The following ZNF589 variants were observed in gnomAD, a reference collection of about 807,000 sequenced individuals.
The protein encoded by ZNF589 is zinc finger protein 589, also known as KRAB-zinc finger protein SZF1-1.
A neutral mutation model predicts 13.6 loss-of-function variants in ZNF589; 17 were observed. The observed-to-expected ratio is 1.25, with a 90% CI of 0.86 to 1.88. The LOEUF is 1.88. ZNF589 is among the 40% of genes most tolerant of loss of function. ZNF589 has a pLI of 0.00. For missense variants in ZNF589, 407 were observed against 434.0 expected, an observed-to-expected ratio of 0.94 and a Z score of 0.55; for synonymous variants, 148 against 161.6, an observed-to-expected ratio of 0.92 and a Z score of 0.64.
chr3:48,269,702 AG>A lies in ZNF589; in HGVS notation c.*918del. On this transcript the variant is annotated 3_prime_UTR_variant, in exon 4 of 4. Coordinates refer to ENST00000354698, the MANE Select transcript of ZNF589 (RefSeq NM_016089.3). ...CTCGGGGAAAAGCTTTAGAGGTGCA[AG>A]GAGTGAGGATGTGATTTTAGCAACA... is the stretch of plus-strand genomic sequence containing the variant. 1 of 339,678 alleles carries A rather than the reference AG, an allele frequency of 2.9e-6. No homozygotes were observed. Among genetic ancestry groups the A allele is most frequent in the South Asian group, 2.4e-5 (1 of 41,056 alleles). The allele number at this position is 339,678 out of a possible 1,614,324, so 21.0% of individuals were successfully genotyped here.
intron 3 of ZNF589, among the ~76,000 whole-genome samples, chr3:48,265,906 A>G (rs1464622558): frequency 6.6e-6 from 1 of 152,082 alleles, no homozygotes; most frequent in Non-Finnish European, 1.5e-5. Context: ...ATCACTCACT[A>G]TGGGCCCAGC....
In ZNF589 at chr3:48,270,143, A is replaced by T. The variant is rs1342599249; in HGVS notation, c.*1357A>T. 1 of 456,516 alleles carries T rather than the reference A, an allele frequency of 2.2e-6. No homozygotes were observed. The highest frequency in any genetic ancestry group is 4.4e-6 in the Non-Finnish European group (1 of 226,956). 28.3% of individuals were successfully genotyped at this position (456,516 alleles called of 1,614,324 possible). ...ACTCTCCTGCTTTATTTTTTTCTACATCTCTAGCCTTTGCTGTTTCCTCTC... is the reference window on the plus strand; with the variant it reads ...ACTCTCCTGCTTTATTTTTTTCTACTTCTCTAGCCTTTGCTGTTTCCTCTC... On this transcript the variant is annotated 3_prime_UTR_variant, in exon 4 of 4. Coordinates refer to ENST00000354698, the MANE Select transcript of ZNF589 (RefSeq NM_016089.3).
chr3:48,247,577 T>C, intron 1 of ZNF589, 48 bp from the exon 2 acceptor site: 1 of 1,607,972 alleles, frequency 6.2e-7, no homozygotes, highest in South Asian at 1.1e-5. Flanking sequence ...ATCCTCATGA[T>C]GGGCCTGGTA....
intron 3 of ZNF589, among the ~76,000 whole-genome samples, chr3:48,267,213 T>A (rs1167923222): frequency 6.6e-6 from 1 of 152,190 alleles, no homozygotes; most frequent in African/African-American, 2.4e-5. Context: ...TCTTCCCTGT[T>A]TTCCACAAGT....
chr3:48,246,818 G>A (rs966396511), intron 1 of ZNF589, among the ~76,000 whole-genome samples: 3 of 150,060 alleles, frequency 2.0e-5, no homozygotes, highest in African/African-American at 7.4e-5. Flanking sequence ...ACAGGTGCCC[G>A]CCACCACACC....
chr3:48,249,279 T>C (rs1177414654), intron 2 of ZNF589, among the ~76,000 whole-genome samples: 1 of 152,070 alleles, frequency 6.6e-6, no homozygotes. Context: ...ATTTTTGTAT[T>C]TTTAGTAGAA....
chr3:48,269,532 G>A lies in ZNF589; in HGVS notation c.*746G>A. On this transcript the variant is annotated 3_prime_UTR_variant, in exon 4 of 4. Transcript: ENST00000354698. ...CACACAGGAGAGAAACCTTACGCAT[G>A]CATCGAGTGTGGGCGAAACTTTAGC... is the stretch of plus-strand genomic sequence containing the variant. 5.5e-6 allele frequency: 2 copies of A among 363,506 alleles called. No individual in the cohort carries two copies. The highest frequency in any genetic ancestry group is 3.9e-5 in the Admixed American group (1 of 25,908). The allele number at this position is 363,506 out of a possible 1,614,324, so 22.5% of individuals were successfully genotyped here. A position where few individuals can be genotyped will look rare whatever the true frequency, so the allele number is the denominator to read the frequency against.
rs567168919 is a variant in ZNF589, at chr3:48,256,111, C to A, written c.97-4702C>A. On this transcript the variant is annotated intron_variant, in intron 2 of 3. Coordinates refer to ENST00000354698, the MANE Select transcript of ZNF589 (RefSeq NM_016089.3). ...TCCCCAGCACTGAGTATGGCCCAAG[C>A]CCCACAGCAATTGCCAAGGGACCCA... Among the ~76,000 whole-genome samples the A allele has an allele frequency of 3.0e-4, 46 of 152,190 alleles. 1 individual carries two copies. The highest frequency in any genetic ancestry group is 1.0e-3 in the South Asian group (5 of 4,824).
chr3:48,261,570 A>T (rs769613096), intron 3 of ZNF589, among the ~76,000 whole-genome samples: 2 of 152,254 alleles, frequency 1.3e-5, no homozygotes, highest in Admixed American at 6.5e-5. Flanking sequence ...ATCATACATC[A>T]TGTTTTTATT....
chr3:48,270,110 T>C lies in ZNF589; in HGVS notation c.*1324T>C, dbSNP rs1442650650. 1 of 456,978 alleles carries C rather than the reference T, an allele frequency of 2.2e-6. No homozygotes were observed. The highest frequency in any genetic ancestry group is 4.4e-6 in the Non-Finnish European group (1 of 227,060). 28.3% of individuals were successfully genotyped at this position (456,978 alleles called of 1,614,324 possible). A position where few individuals can be genotyped will look rare whatever the true frequency, so the allele number is the denominator to read the frequency against. ...CTGCAACTGTGTTCTTCCATTAGCT[T>C]CCATGACACTCTCCTGCTTTATTTT... is the stretch of plus-strand genomic sequence containing the variant. On this transcript the variant is annotated 3_prime_UTR_variant, in exon 4 of 4. Transcript: ENST00000354698.
At position 48,256,614 on chromosome 3, in the gene ZNF589, G is replaced by A. The variant is rs1355555271; in HGVS notation, c.97-4199G>A. On this transcript the variant is annotated intron_variant, in intron 2 of 3. Coordinates refer to ENST00000354698, the MANE Select transcript of ZNF589 (RefSeq NM_016089.3). ...CCCTCAATCTTGCAGTTCTCTTCCC[G>A]TCATAGGCCTGTGATCTTTCGGGGC... is the stretch of plus-strand genomic sequence containing the variant. 3.2e-5 allele frequency: 27 copies of A among 838,596 alleles called. No individual in the cohort carries two copies. In the East Asian group the frequency reaches 4.4e-4, roughly 14 times the overall value. The allele number at this position is 838,596 out of a possible 1,614,324, so 51.9% of individuals were successfully genotyped here. A position where few individuals can be genotyped will look rare whatever the true frequency, so the allele number is the denominator to read the frequency against.
At chr3:48,255,603 C>T (rs1227006653) in intron 2 of ZNF589, among the ~76,000 whole-genome samples, 1 of 149,116 alleles carries the variant, frequency 6.7e-6, no homozygotes, top group Non-Finnish European at 1.5e-5. Flanking sequence ...AAGTGATTCT[C>T]CTGCCTCAGC....
intron 1 of ZNF589, among the ~76,000 whole-genome samples, chr3:48,242,890 C>T (rs1322779512): frequency 6.6e-6 from 1 of 150,636 alleles, no homozygotes; most frequent in East Asian, 2.0e-4. Flanking sequence ...CATGGCAACA[C>T]CCCATCTCTA....
At chr3:48,263,232 C>T (rs185244818) in intron 3 of ZNF589, among the ~76,000 whole-genome samples, 271 of 152,108 alleles carry the variant, frequency 1.8e-3, no homozygotes, top group African/African-American at 6.0e-3. Context: ...GCCTCAGCCT[C>T]CTGAGTAGCT....
chr3:48,241,280 CGGCCGTATCCACCAG>C, intron 1 of ZNF589, 66 bp downstream of exon 1: 1 of 1,583,534 alleles, frequency 6.3e-7, no homozygotes, highest in Non-Finnish European at 8.6e-7. Flanking sequence ...GCGCAGGCGT[CGGCCGTATCCACCAG>C]GGATGCGCGT....
At chr3:48,241,291 A>G in intron 1 of ZNF589, 77 bp downstream of exon 1, 1 of 1,560,366 alleles carries the variant, frequency 6.4e-7, no homozygotes, top group Non-Finnish European at 8.7e-7. Flanking sequence ...GGCCGTATCC[A>G]CCAGGGATGC....
rs534828405 is a variant in ZNF589, at chr3:48,254,261, A to G, written c.97-6552A>G. Among the ~76,000 whole-genome samples, 32 of 152,320 alleles carry G rather than the reference A, an allele frequency of 2.1e-4. 1 individual carries two copies. Among genetic ancestry groups the G allele is most frequent in the Non-Finnish European group, 3.7e-4 (25 of 68,022 alleles). ...ACGAGTGAAACTCTGTCTCAAAAAA[A>G]AAACTAAACAAAAAATCAGTCGATG... On this transcript the variant is annotated intron_variant, in intron 2 of 3. Transcript: ENST00000354698.
intron 1 of ZNF589, among the ~76,000 whole-genome samples, chr3:48,246,866 C>T (rs1039193624): frequency 1.3e-5 from 2 of 151,978 alleles, no homozygotes; most frequent in African/African-American, 2.4e-5. Flanking sequence ...GATGGGGTTT[C>T]ACTGTGTTAG....
rs2034057650 is a variant in ZNF589 at position 48,268,962 on chromosome 3, GATTT to G, written c.*178_*181del. ...CACGTGTGTGAGGAGTGTGGGCATG[GATTT>G]AGCCAGAAGTCGTCGCTCAAATCAC... On this transcript the variant is annotated 3_prime_UTR_variant, in exon 4 of 4. Transcript: ENST00000354698. The G allele has an allele frequency of 2.1e-6, 2 of 963,402 alleles. No individual in the cohort carries two copies. The highest frequency in any genetic ancestry group is 5.2e-5 in the Admixed American group (2 of 38,672). 59.7% of individuals were successfully genotyped at this position (963,402 alleles called of 1,614,324 possible). A position where few individuals can be genotyped will look rare whatever the true frequency, so the allele number is the denominator to read the frequency against.
Sources: gnomAD v4.1 joint callset for allele counts (sites outside exome capture counted in the v4.1 genomes callset) on GRCh38, gnomAD v4.1.1 for gene constraint, MANE v1.5 for transcripts, NCBI Gene and HGNC (gene_info 2026-07-23, HGNC 2026-07-21) for gene names.